The following CACNG3 variants were observed in gnomAD, a reference collection of about 807,000 sequenced individuals.
CACNG3 encodes calcium voltage-gated channel auxiliary subunit gamma 3, also known as voltage-dependent calcium channel gamma-3 subunit.
CACNG3 carries 3 observed loss-of-function variants against 28.5 expected under a neutral mutation model. That is an observed-to-expected ratio of 0.11 (90% CI 0.05 to 0.27). The LOEUF (loss-of-function observed/expected upper bound fraction) is 0.27, where lower values mean the gene tolerates loss of function less well. CACNG3 is among the 10% of genes least tolerant of loss of function. The pLI, the probability that CACNG3 is intolerant of heterozygous loss-of-function variation, is 1.00. For synonymous variants in CACNG3, 174 were observed against 162.2 expected (o/e 1.07, Z -0.55); for missense variants, 236 against 414.4 (o/e 0.57, Z 3.74).
intron 1 of CACNG3, among the ~76,000 whole-genome samples, chr16:24,299,936 ACG>A (rs961791523): frequency 1.3e-5 from 2 of 149,220 alleles, no homozygotes; most frequent in South Asian, 4.2e-4. Flanking sequence ...ACACATGCAC[ACG>A]CACACACACA....
At chr16:24,344,730 T>A (rs541976527) in intron 1 of CACNG3, among the ~76,000 whole-genome samples, 1 of 152,170 alleles carries the variant, frequency 6.6e-6, no homozygotes, top group Non-Finnish European at 1.5e-5. Context: ...GTTCTACATA[T>A]CCCAAGGCAT....
Position 24,323,197 on chromosome 16 carries a change from GC to G in CACNG3, c.212-23535del, listed in dbSNP as rs1899487748. 3.0e-5 allele frequency among the ~76,000 whole-genome samples: 4 copies of G among 132,844 alleles called. No homozygotes were observed. The South Asian group carries it at 9.7e-4, about 32-fold the overall frequency. 87.2% of individuals were successfully genotyped at this position (132,844 alleles called of 152,430 possible). ...AGCCATAATTGAGCCACTACATTCA[GC>G]CTGGGCCACAGAGCAGGACTCAAAA... is the stretch of plus-strand genomic sequence containing the variant. On this transcript the variant is annotated intron_variant, in intron 1 of 3. Coordinates refer to ENST00000005284, the MANE Select transcript of CACNG3 (RefSeq NM_006539.4).
chr16:24,298,238 A>G (rs1233599139), intron 1 of CACNG3, among the ~76,000 whole-genome samples: 1 of 152,030 alleles, frequency 6.6e-6, no homozygotes, highest in Non-Finnish European at 1.5e-5. Context: ...TTTGTAATGG[A>G]CTTTTTCCTT....
rs777988355 is a variant in CACNG3, at chr16:24,304,735, A to G, written c.212-41999A>G. On this transcript the variant is annotated intron_variant, in intron 1 of 3. Coordinates refer to ENST00000005284, the MANE Select transcript of CACNG3 (RefSeq NM_006539.4). ...GCCACCATGCCCAGATAACTTTTGTATTCATTTGTAGAGACAGGGTCTCAC... is the reference window on the plus strand; with the variant it reads ...GCCACCATGCCCAGATAACTTTTGTGTTCATTTGTAGAGACAGGGTCTCAC... Among the ~76,000 whole-genome samples, 49 of 152,226 alleles carry G rather than the reference A, an allele frequency of 3.2e-4. 1 individual carries two copies. The highest frequency in any genetic ancestry group is 6.0e-4 in the Non-Finnish European group (41 of 68,018).
chr16:24,302,447 G>T (rs1185732920), intron 1 of CACNG3, among the ~76,000 whole-genome samples: 1 of 151,790 alleles, frequency 6.6e-6, no homozygotes, highest in Admixed American at 6.6e-5. Context: ...TCCAGGTATT[G>T]ATTTTTTTTT....
intron 1 of CACNG3, among the ~76,000 whole-genome samples, chr16:24,279,905 C>T (rs116203687): frequency 2.5e-3 from 382 of 152,290 alleles, no homozygotes; most frequent in African/African-American, 9.0e-3. Flanking sequence ...CTTTGTAACA[C>T]TCAAGTGGAG....
rs1285158157 is a variant in CACNG3 at position 24,317,548 on chromosome 16, AAAAG to A, written c.212-29182_212-29179del. Among the ~76,000 whole-genome samples, 342 of 137,858 alleles carry A rather than the reference AAAAG, an allele frequency of 2.5e-3. 9 individuals are homozygous for A. Among genetic ancestry groups the A allele is most frequent in the Admixed American group, 7.0e-3 (88 of 12,548 alleles). The allele number at this position is 137,858 out of a possible 152,430, so 90.4% of individuals were successfully genotyped here. ...GAGGGAGATTCTGTCTCAAAAAAAA[AAAAG>A]AAAAAGAAAGAAAGAAAGAAAGAAA... On this transcript the variant is annotated intron_variant, in intron 1 of 3. Transcript: ENST00000005284.
intron 2 of CACNG3, among the ~76,000 whole-genome samples, chr16:24,348,683 T>C (rs892239695): frequency 2.0e-5 from 3 of 152,130 alleles, no homozygotes; most frequent in African/African-American, 7.2e-5. Flanking sequence ...CACTTAGAGA[T>C]GTAGCTTAAC....
At chr16:24,264,556 T>C (rs1450473578) in intron 1 of CACNG3, among the ~76,000 whole-genome samples, 1 of 152,176 alleles carries the variant, frequency 6.6e-6, no homozygotes, top group African/African-American at 2.4e-5. Context: ...CGCCTGGCAA[T>C]TGATGTTAGC....
At chr16:24,335,727 C>T (rs1179951325) in intron 1 of CACNG3, among the ~76,000 whole-genome samples, 4 of 152,046 alleles carry the variant, frequency 2.6e-5, no homozygotes, top group Non-Finnish European at 5.9e-5. Flanking sequence ...AGAGCCCTTA[C>T]CCAAGGCCTG....
chr16:24,264,524 C>T (rs1387638330), intron 1 of CACNG3, among the ~76,000 whole-genome samples: 2 of 152,172 alleles, frequency 1.3e-5, no homozygotes, highest in African/African-American at 4.8e-5. Context: ...ACAGTCAGCA[C>T]GCAGATCCCT....
At chr16:24,278,944 G>A (rs1033739119) in intron 1 of CACNG3, among the ~76,000 whole-genome samples, 1 of 152,236 alleles carries the variant, frequency 6.6e-6, no homozygotes, top group South Asian at 2.1e-4. Context: ...GCAAAAGTTA[G>A]AGAGATGAAG....
At chr16:24,257,327 A>G in intron 1 of CACNG3, among the ~76,000 whole-genome samples, 2 of 113,258 alleles carry the variant, frequency 1.8e-5, no homozygotes, top group Non-Finnish European at 1.7e-5. Flanking sequence ...AGGGAGGGGG[A>G]GGGAAGGGAG....
At chr16:24,258,639 G>A (rs1898500161) in intron 1 of CACNG3, among the ~76,000 whole-genome samples, 1 of 152,094 alleles carries the variant, frequency 6.6e-6, no homozygotes, top group Admixed American at 6.6e-5. Context: ...TTTACCTCAG[G>A]GAAATTCCAT....
At chr16:24,325,074 C>T (rs748189265) in intron 1 of CACNG3, among the ~76,000 whole-genome samples, 24 of 152,202 alleles carry the variant, frequency 1.6e-4, no homozygotes, top group Non-Finnish European at 3.4e-4. Context: ...TGCGGAGCCA[C>T]AGTGCCTGTA....
At chr16:24,259,698 T>C (rs1898513763) in intron 1 of CACNG3, among the ~76,000 whole-genome samples, 1 of 152,204 alleles carries the variant, frequency 6.6e-6, no homozygotes, top group Non-Finnish European at 1.5e-5. Flanking sequence ...TGAGATGTTC[T>C]GTGTGGCCTC....
At chr16:24,332,519 G>A (rs1899644647) in intron 1 of CACNG3, among the ~76,000 whole-genome samples, 1 of 151,638 alleles carries the variant, frequency 6.6e-6, no homozygotes, top group Non-Finnish European at 1.5e-5. Context: ...ATCAACCACA[G>A]TTCTTTACAC....
chr16:24,358,921 A>G (rs1394293162), intron 3 of CACNG3, among the ~76,000 whole-genome samples: 2 of 152,344 alleles, frequency 1.3e-5, no homozygotes, highest in Admixed American at 6.5e-5. Context: ...AATGATTACT[A>G]GGTATGATGC....
chr16:24,297,726 G>C (rs932959307), intron 1 of CACNG3, among the ~76,000 whole-genome samples: 1 of 152,200 alleles, frequency 6.6e-6, no homozygotes, highest in Admixed American at 6.5e-5. Context: ...ATAAGGGATG[G>C]ATGGGGAGGG....
Sources: gnomAD v4.1 joint callset for allele counts (sites outside exome capture counted in the v4.1 genomes callset) on GRCh38, gnomAD v4.1.1 for gene constraint, MANE v1.5 for transcripts, NCBI Gene and HGNC (gene_info 2026-07-23, HGNC 2026-07-21) for gene names.